ERICH6B: variants seen among roughly 807,000 people sequenced by gnomAD.
ERICH6B encodes glutamate rich 6B.
A neutral mutation model predicts 80.0 loss-of-function variants in ERICH6B; 69 were observed. The ratio of observed to expected loss-of-function variants is 0.86; its 90% CI spans 0.71 to 1.05. ERICH6B has a LOEUF of 1.05. Ranked by LOEUF, ERICH6B falls within the 50% of genes least tolerant of loss-of-function variation. ERICH6B has a pLI of 0.00. For missense variants in ERICH6B, 754 were observed against 796.1 expected (o/e 0.95, Z 0.64); for synonymous variants, 283 against 291.9 (o/e 0.97, Z 0.31).
At chr13:45,605,493 C>T (rs1949852890) in intron 2 of ERICH6B, among the ~76,000 whole-genome samples, 1 of 152,206 alleles carries the variant, frequency 6.6e-6, no homozygotes, top group African/African-American at 2.4e-5. Context: ...ACTATCATCT[C>T]CATCTTATAG....
chr13:45,578,373 A>G (rs1418934730), intron 7 of ERICH6B, among the ~76,000 whole-genome samples: 1 of 152,210 alleles, frequency 6.6e-6, no homozygotes, highest in Admixed American at 6.5e-5. Flanking sequence ...CTCCTCCTGC[A>G]AAATCTGATT....
intron 9 of ERICH6B, 72 bp from the exon 10 acceptor site, chr13:45,563,860 G>T: frequency 1.6e-6 from 2 of 1,259,980 alleles, no homozygotes; most frequent in Non-Finnish European, 2.3e-6. Flanking sequence ...ACACAGTGCA[G>T]ACAGTACTGG....
At chr13:45,550,116 T>G in intron 12 of ERICH6B, 71 bp from the exon 13 acceptor site, 1 of 1,540,090 alleles carries the variant, frequency 6.5e-7, no homozygotes, top group Non-Finnish European at 8.8e-7. Context: ...CTGCAGATGA[T>G]GCAGGCCTCA....
intron 13 of ERICH6B, among the ~76,000 whole-genome samples, chr13:45,546,705 G>A (rs1462945636): frequency 1.3e-5 from 2 of 152,120 alleles, no homozygotes; most frequent in Non-Finnish European, 2.9e-5. Context: ...AGACAAACCG[G>A]GTTTGTCTGC....
chr13:45,583,199 C>A (rs1875746189), intron 5 of ERICH6B, among the ~76,000 whole-genome samples: 1 of 152,292 alleles, frequency 6.6e-6, no homozygotes, highest in East Asian at 1.9e-4. Flanking sequence ...AATTAAATAG[C>A]AATTAAACAA....
At chr13:45,594,141 AT>A (rs1375966266) in intron 3 of ERICH6B, among the ~76,000 whole-genome samples, 1 of 152,148 alleles carries the variant, frequency 6.6e-6, no homozygotes, top group Admixed American at 6.5e-5. Flanking sequence ...ACATTGATAT[AT>A]TTTTTTGAAA....
chr13:45,561,855 G>A (rs923862622), intron 10 of ERICH6B, among the ~76,000 whole-genome samples: 2 of 152,160 alleles, frequency 1.3e-5, no homozygotes, highest in African/African-American at 4.8e-5. Flanking sequence ...AGTGGGTGAT[G>A]CAATGAAAAT....
intron 1 of ERICH6B, among the ~76,000 whole-genome samples, chr13:45,608,436 G>T (rs1421612141): frequency 3.9e-5 from 6 of 152,132 alleles, no homozygotes; most frequent in Non-Finnish European, 2.9e-5. Flanking sequence ...TCTTTTCTTT[G>T]TCTTGTCACT....
chr13:45,593,199 GGTT>G (rs1162866804), intron 3 of ERICH6B, among the ~76,000 whole-genome samples: 1 of 152,162 alleles, frequency 6.6e-6, no homozygotes, highest in African/African-American at 2.4e-5. Flanking sequence ...GGTGGGTGGG[GGTT>G]GTTAGTCTGA....
At chr13:45,545,677 A>G (rs1344832199) in intron 13 of ERICH6B, among the ~76,000 whole-genome samples, 1 of 152,198 alleles carries the variant, frequency 6.6e-6, no homozygotes, top group Non-Finnish European at 1.5e-5. Flanking sequence ...TCCCAGTAAC[A>G]CTTGCTGGAG....
intron 1 of ERICH6B, among the ~76,000 whole-genome samples, chr13:45,613,251 G>A (rs188452938): frequency 1.3e-5 from 2 of 152,172 alleles, no homozygotes; most frequent in South Asian, 2.1e-4. Flanking sequence ...CTTCCTAATA[G>A]TACCTGGGAA....
chr13:45,541,350 A>G lies in ERICH6B; in HGVS notation c.*112T>C. 1 of 944,968 alleles carries G rather than the reference A, an allele frequency of 1.1e-6. No individual in the cohort carries two copies. The highest frequency in any genetic ancestry group is 1.6e-6 in the Non-Finnish European group (1 of 634,306). 58.5% of individuals were successfully genotyped at this position (944,968 alleles called of 1,614,324 possible). On this transcript the variant is annotated 3_prime_UTR_variant, in exon 15 of 15. Transcript: ENST00000298738. Reference sequence around the variant, plus strand: ...ATCAAGGAGCCACGACAGGTCCCAAATTACAAACCAACTCTCATAAAAGGT... The same window carrying G: ...ATCAAGGAGCCACGACAGGTCCCAAGTTACAAACCAACTCTCATAAAAGGT...
intron 7 of ERICH6B, among the ~76,000 whole-genome samples, chr13:45,575,706 C>T (rs1240695073): frequency 1.3e-5 from 2 of 152,162 alleles, no homozygotes; most frequent in Non-Finnish European, 2.9e-5. Flanking sequence ...GAATGTCTCC[C>T]AGAGACAGTG....
At chr13:45,561,262 A>G (rs1281177379) in intron 11 of ERICH6B, 107 bp downstream of exon 11, 5 of 1,151,254 alleles carry the variant, frequency 4.3e-6, no homozygotes, top group Non-Finnish European at 6.0e-6. Context: ...TTTTGTGTTT[A>G]CATTGTGTGT....
chr13:45,565,216 C>T (rs1874861622), intron 9 of ERICH6B, among the ~76,000 whole-genome samples: 2 of 152,032 alleles, frequency 1.3e-5, no homozygotes, highest in Non-Finnish European at 1.5e-5. Context: ...GGGTCTCTTG[C>T]CCCATGCCTC....
intron 13 of ERICH6B, among the ~76,000 whole-genome samples, chr13:45,548,860 T>C (rs913589753): frequency 6.6e-6 from 1 of 152,186 alleles, no homozygotes; most frequent in Non-Finnish European, 1.5e-5. Context: ...AATCAGGAAA[T>C]GGTGTCTAAA....
intron 10 of ERICH6B, 77 bp downstream of exon 10, chr13:45,563,650 A>C (rs1423571785): frequency 2.3e-6 from 3 of 1,279,094 alleles, no homozygotes; most frequent in Non-Finnish European, 3.3e-6. Context: ...TCTTTACAGT[A>C]CATGCAGAAG....
rs754232917 is a variant in ERICH6B, at chr13:45,579,943, C to CT, written c.950dup (p.Glu318GlyfsTer10). On this transcript the variant is annotated frameshift_variant, in exon 7 of 15. Transcript: ENST00000298738. LOFTEE classifies it high-confidence loss of function. Reference sequence around the variant, plus strand: ...ATGTCAGATGCTCACCATTTTCTTCCTTTTTTTGCTGTACTTTAGTGTTAA... The same window carrying CT: ...ATGTCAGATGCTCACCATTTTCTTCCTTTTTTTTGCTGTACTTTAGTGTTAA... 173 of 1,551,444 alleles carry CT rather than the reference C, an allele frequency of 1.1e-4. No individual in the cohort carries two copies. Among genetic ancestry groups the CT allele is most frequent in the Admixed American group, 2.2e-4 (11 of 50,968 alleles).
At position 45,561,430 on chromosome 13, in the gene ERICH6B, C is replaced by G; in HGVS notation, c.1346G>C (p.Arg449Pro). The change falls in exon 11 of 15, where the codon CGT becomes CCT. Residue 449 changes from arginine (R) to proline (P), a missense_variant. Coordinates refer to ENST00000298738, the MANE Select transcript of ERICH6B (RefSeq NM_182542.3). The stretch of plus-strand genomic sequence containing the variant: ...TAATTTCTTCCTATGATGAACAACA[C>G]GTTGAGGCTTTTGGATTTCTTCTGT... ...PETEEIQKPQRVVHHRKKLER... is the reference protein window; with the variant it reads ...PETEEIQKPQPVVHHRKKLER... 1 of 1,552,274 alleles carries G rather than the reference C, an allele frequency of 6.4e-7. No individual in the cohort carries two copies. The highest frequency in any genetic ancestry group is 1.2e-5 in the South Asian group (1 of 84,060).
Sources: gnomAD v4.1 joint callset for allele counts (sites outside exome capture counted in the v4.1 genomes callset) on GRCh38, gnomAD v4.1.1 for gene constraint, MANE v1.5 for transcripts, NCBI Gene and HGNC (gene_info 2026-07-23, HGNC 2026-07-21) for gene names.